The following SCIN variants were observed in gnomAD, a reference collection of about 807,000 sequenced individuals.
SCIN encodes adseverin.
In SCIN, 91 loss-of-function variants were observed where a neutral mutation model predicts 91.8. That is an observed-to-expected ratio of 0.99 (90% confidence interval 0.84 to 1.18). The LOEUF is 1.18. Ranked by LOEUF, SCIN falls within the 50% of genes most tolerant of loss-of-function variation. The pLI is 0.00. For missense variants in SCIN, 1,087 were observed against 863.9 expected, an observed-to-expected ratio of 1.26 and a Z score of -3.24; for synonymous variants, 367 against 312.6, an observed-to-expected ratio of 1.17 and a Z score of -1.84.
rs1009673751 is a variant in SCIN at position 12,658,185 on chromosome 7, C to G, written c.*5470C>G. 2.0e-5 allele frequency: 3 copies of G among 152,164 alleles called. No homozygotes were observed. Among genetic ancestry groups the G allele is most frequent in the Admixed American group, 1.3e-4 (2 of 15,280 alleles). 9.4% of individuals were successfully genotyped at this position (152,164 alleles called of 1,614,324 possible). On this transcript the variant is annotated 3_prime_UTR_variant, in exon 16 of 16. Transcript: ENST00000297029. Reference sequence around the variant, plus strand: ...ATTCTAACGCCAACTTCTAGGTAAACAGTAAACAAGAATAAGCAAATTTGA... The same window carrying G: ...ATTCTAACGCCAACTTCTAGGTAAAGAGTAAACAAGAATAAGCAAATTTGA...
chr7:12,612,778 T>C (rs1018447585), intron 4 of SCIN, among the ~76,000 whole-genome samples: 6 of 152,302 alleles, frequency 3.9e-5, no homozygotes, highest in East Asian at 1.9e-4. Flanking sequence ...GAAGTTGAAA[T>C]GTTCTGAACA....
chr7:12,645,262 T>G (rs1489544281), intron 13 of SCIN, among the ~76,000 whole-genome samples: 2 of 152,014 alleles, frequency 1.3e-5, no homozygotes, highest in Non-Finnish European at 2.9e-5. Flanking sequence ...GAGGTTGCAG[T>G]GAGCCAAGAT....
chr7:12,632,390 T>C (rs113640837), intron 9 of SCIN, among the ~76,000 whole-genome samples: 49 of 152,140 alleles, frequency 3.2e-4, no homozygotes, highest in African/African-American at 1.1e-3. Context: ...CTTGGCCTCC[T>C]AAAGTGTTGA....
At chr7:12,642,543 T>C (rs1429683338) in intron 11 of SCIN, among the ~76,000 whole-genome samples, 1 of 150,948 alleles carries the variant, frequency 6.6e-6, no homozygotes, top group Admixed American at 6.6e-5. Flanking sequence ...TCACTCACCA[T>C]CTCTACTTTT....
intron 3 of SCIN, among the ~76,000 whole-genome samples, chr7:12,586,995 A>G (rs1295872070): frequency 6.6e-6 from 1 of 152,168 alleles, no homozygotes; most frequent in African/African-American, 2.4e-5. Flanking sequence ...TAGGAGGAAT[A>G]AATTCTGTTC....
Position 12,654,615 on chromosome 7 carries a change from T to C in SCIN, c.*1900T>C, listed in dbSNP as rs1666858069. 1.3e-5 allele frequency: 2 copies of C among 152,174 alleles called. No individual in the cohort carries two copies. Among genetic ancestry groups the C allele is most frequent in the Admixed American group, 1.3e-4 (2 of 15,278 alleles). The allele number at this position is 152,174 out of a possible 1,614,324, so 9.4% of individuals were successfully genotyped here. ...GATGAGAATAAAATGATTTAATAAG[T>C]AGTACTTTTTCACAAAATTAGTAAA... On this transcript the variant is annotated 3_prime_UTR_variant, in exon 16 of 16. Coordinates refer to ENST00000297029, the MANE Select transcript of SCIN (RefSeq NM_001112706.3).
chr7:12,598,778 ACATAGCTGTAGTCCTACCTACT>A (rs1242129472), intron 3 of SCIN, among the ~76,000 whole-genome samples: 7 of 152,090 alleles, frequency 4.6e-5, no homozygotes, highest in Non-Finnish European at 1.0e-4. Flanking sequence ...GCGTGGTGGC[ACATAGCTGTAGTCCTACCTACT>A]CAGAAGGCTG....
intron 4 of SCIN, chr7:12,611,096 C>T (rs145422465): frequency 4.0e-4 from 61 of 152,326 alleles, no homozygotes; most frequent in African/African-American, 1.5e-3. Flanking sequence ...CCAGTGCTGC[C>T]TCTTTGGGAA....
At chr7:12,607,306 A>G (rs761309028) in intron 4 of SCIN, among the ~76,000 whole-genome samples, 7 of 152,080 alleles carry the variant, frequency 4.6e-5, no homozygotes, top group Non-Finnish European at 8.8e-5. Context: ...ATTACCACTC[A>G]TTTGCCACTT....
chr7:12,614,451 A>G (rs1184575423), intron 4 of SCIN, among the ~76,000 whole-genome samples: 1 of 152,164 alleles, frequency 6.6e-6, no homozygotes, highest in Non-Finnish European at 1.5e-5. Context: ...TGTGATATGG[A>G]GACATTTTTT....
intron 4 of SCIN, among the ~76,000 whole-genome samples, chr7:12,611,524 T>A (rs986105802): frequency 6.6e-6 from 1 of 152,172 alleles, no homozygotes; most frequent in African/African-American, 2.4e-5. Flanking sequence ...AAAGAATGAT[T>A]GTTTTGAAAA....
chr7:12,647,789 A>G (rs910576475), intron 13 of SCIN, among the ~76,000 whole-genome samples: 1 of 152,204 alleles, frequency 6.6e-6, no homozygotes, highest in Middle Eastern at 3.2e-3. Flanking sequence ...TCAGATTAGA[A>G]CAAACATGAA....
At chr7:12,612,036 CG>C (rs1424976063) in intron 4 of SCIN, among the ~76,000 whole-genome samples, 1 of 151,400 alleles carries the variant, frequency 6.6e-6, no homozygotes, top group African/African-American at 2.4e-5. Flanking sequence ...TCATTCTAGT[CG>C]AAACTCTGTA....
At chr7:12,621,016 G>A (rs941261008) in intron 4 of SCIN, among the ~76,000 whole-genome samples, 8 of 152,062 alleles carry the variant, frequency 5.3e-5, no homozygotes, top group African/African-American at 7.2e-5. Flanking sequence ...TGCCAATCGC[G>A]TGGGCAACCC....
chr7:12,615,447 T>C (rs1483074842), intron 4 of SCIN, among the ~76,000 whole-genome samples: 1 of 152,154 alleles, frequency 6.6e-6, no homozygotes, highest in Non-Finnish European at 1.5e-5. Context: ...CCTGCTGCCA[T>C]GTAAAATGCG....
intron 1 of SCIN, chr7:12,577,419 G>A: frequency 2.5e-6 from 1 of 393,900 alleles, no homozygotes; most frequent in Non-Finnish European, 5.0e-6. Context: ...CTTGTCAAAT[G>A]TTTTCATAGT....
chr7:12,657,789 G>C lies in SCIN; in HGVS notation c.*5074G>C, dbSNP rs1384533393. 6.6e-6 allele frequency: 1 copy of C among 150,936 alleles called. No homozygotes were observed. Among genetic ancestry groups the C allele is most frequent in the South Asian group, 2.1e-4 (1 of 4,782 alleles). 9.3% of individuals were successfully genotyped at this position (150,936 alleles called of 1,614,324 possible). A position where few individuals can be genotyped will look rare whatever the true frequency, so the allele number is the denominator to read the frequency against. On this transcript the variant is annotated 3_prime_UTR_variant, in exon 16 of 16. Transcript: ENST00000297029. ...GTCCCTTATTAAGATGTTATTTCTAGTTTATAATTGACTATGGCATTTGCA... is the reference window on the plus strand; with the variant it reads ...GTCCCTTATTAAGATGTTATTTCTACTTTATAATTGACTATGGCATTTGCA...
At position 12,657,538 on chromosome 7, in the gene SCIN, G is replaced by GTGTA. The variant is rs1225844290; in HGVS notation, c.*4824_*4825insGTAT. Reference sequence around the variant, plus strand: ...ATTTTTAAGTTTTATATATGTGTGTGTATATATATATATATATATATATAT... The same window carrying GTGTA: ...ATTTTTAAGTTTTATATATGTGTGTGTGTATATATATATATATATATATATATAT... On this transcript the variant is annotated 3_prime_UTR_variant, in exon 16 of 16. Coordinates refer to ENST00000297029, the MANE Select transcript of SCIN (RefSeq NM_001112706.3). 1.2e-3 allele frequency: 33 copies of GTGTA among 27,642 alleles called. No individual in the cohort carries two copies. Among genetic ancestry groups the GTGTA allele is most frequent in the Non-Finnish European group, 2.0e-3 (23 of 11,594 alleles). 1.7% of individuals were successfully genotyped at this position (27,642 alleles called of 1,614,324 possible). A position where few individuals can be genotyped will look rare whatever the true frequency, so the allele number is the denominator to read the frequency against.
Position 12,584,702 on chromosome 7 carries a change from T to C in SCIN, c.516+3481T>C, listed in dbSNP as rs568435773. Among the ~76,000 whole-genome samples, 440 of 152,344 alleles carry C rather than the reference T, an allele frequency of 2.9e-3. 2 individuals are homozygous for C. Among genetic ancestry groups the C allele is most frequent in the African/African-American group, 0.01 (427 of 41,572 alleles). ...CAGATCTTACCAATTTACAGAGTCA[T>C]TGGAAAAACACTTTTGAACAATATA... On this transcript the variant is annotated intron_variant, in intron 3 of 15. Transcript: ENST00000297029.
Sources: gnomAD v4.1 joint callset for allele counts (sites outside exome capture counted in the v4.1 genomes callset) on GRCh38, gnomAD v4.1.1 for gene constraint, MANE v1.5 for transcripts, NCBI Gene and HGNC (gene_info 2026-07-23, HGNC 2026-07-21) for gene names.